Variants in AKT3 observed in about 807,000 individuals in gnomAD.
The protein encoded by AKT3 is RAC-gamma serine/threonine-protein kinase.
Under a neutral mutation model 65.3 loss-of-function variants are expected in AKT3, and 15 were observed. The ratio of observed to expected loss-of-function variants is 0.23; its 90% CI spans 0.15 to 0.35. AKT3 has a LOEUF of 0.35. Among genes scored for constraint, AKT3 ranks in the 10% least tolerant of loss-of-function variants. AKT3 has a pLI of 1.00. For missense variants in AKT3, 243 were observed against 576.5 expected, an observed-to-expected ratio of 0.42 and a Z score of 5.92; for synonymous variants, 206 against 183.8, an observed-to-expected ratio of 1.12 and a Z score of -0.98.
intron 2 of AKT3, among the ~76,000 whole-genome samples, chr1:243,792,364 G>C (rs1053657765): frequency 3.3e-5 from 5 of 152,082 alleles, no homozygotes; most frequent in Non-Finnish European, 5.9e-5. Context: ...ATAGATAAAA[G>C]TCAGCAAAAG....
intron 2 of AKT3, chr1:243,735,583 T>C (rs1173152445): frequency 6.6e-6 from 1 of 152,240 alleles, no homozygotes; most frequent in Non-Finnish European, 1.5e-5. Context: ...TCCACCATTT[T>C]TATTAGAGAC....
At chr1:243,835,130 G>T (rs1370305087) in intron 2 of AKT3, among the ~76,000 whole-genome samples, 1 of 152,072 alleles carries the variant, frequency 6.6e-6, no homozygotes, top group African/African-American at 2.4e-5. Flanking sequence ...TTTTGAACTG[G>T]AAATTTTTTT....
At chr1:243,589,961 C>CAA (rs1007986412) in intron 8 of AKT3, among the ~76,000 whole-genome samples, 61 of 152,202 alleles carry the variant, frequency 4.0e-4, no homozygotes, top group African/African-American at 1.4e-3. Flanking sequence ...GGATGAACCT[C>CAA]AAGGGCATTA....
chr1:243,805,359 T>TATA (rs2148379433), intron 2 of AKT3, among the ~76,000 whole-genome samples: 1 of 152,276 alleles, frequency 6.6e-6, no homozygotes, highest in Non-Finnish European at 1.5e-5. Context: ...CTCTGCCAGC[T>TATA]ATAGTATTTC....
intron 8 of AKT3, among the ~76,000 whole-genome samples, chr1:243,580,698 G>C (rs1675273481): frequency 6.6e-6 from 1 of 152,186 alleles, no homozygotes; most frequent in African/African-American, 2.4e-5. Context: ...GTCACGTTCA[G>C]CTTGGCAACC....
chr1:243,647,008 A>C (rs74153934), intron 4 of AKT3, among the ~76,000 whole-genome samples: 1,543 of 152,256 alleles, frequency 0.01, 19 homozygotes, highest in African/African-American at 0.035. Flanking sequence ...TTTTGACTGG[A>C]ATTACATTAA....
At chr1:243,575,372 G>T (rs1674863356) in intron 8 of AKT3, among the ~76,000 whole-genome samples, 1 of 152,136 alleles carries the variant, frequency 6.6e-6, no homozygotes, top group South Asian at 2.1e-4. Context: ...GAGAAAGAGG[G>T]AATACAGTGA....
chr1:243,741,875 T>C (rs1300556149), intron 2 of AKT3: 3 of 152,020 alleles, frequency 2.0e-5, no homozygotes, highest in Non-Finnish European at 4.4e-5. Context: ...AAATTAAACA[T>C]GAAAAGGACT....
chr1:243,508,325 G>GCCCAGGGC (rs1351254573), intron 13 of AKT3, among the ~76,000 whole-genome samples: 1 of 152,210 alleles, frequency 6.6e-6, no homozygotes, highest in Non-Finnish European at 1.5e-5. Context: ...AAGACAGGAA[G>GCCCAGGGC]CCCAGGGCCC....
chr1:243,512,176 A>G, intron 13 of AKT3, 148 bp downstream of exon 13: 1 of 526,964 alleles, frequency 1.9e-6, no homozygotes. Context: ...ATTCAATTCA[A>G]TATTCAATAT....
intron 8 of AKT3, among the ~76,000 whole-genome samples, chr1:243,596,444 G>A (rs540868996): frequency 6.6e-6 from 1 of 152,198 alleles, no homozygotes; most frequent in South Asian, 2.1e-4. Flanking sequence ...GAATAGACAG[G>A]TCACAAAAGT....
chr1:243,738,383 G>T (rs1366591142), intron 2 of AKT3, among the ~76,000 whole-genome samples: 6 of 152,198 alleles, frequency 3.9e-5, no homozygotes, highest in Non-Finnish European at 7.3e-5. Flanking sequence ...ACTGGAAAAT[G>T]AAGCTAGAAA....
rs181536260 is a variant in AKT3, at chr1:243,589,137, C to G, written c.697-16089G>C. On this transcript the variant is annotated intron_variant, in intron 8 of 13. Transcript: ENST00000673466. ...CCTGACCAACATGGTGAAACCCCGT[C>G]TCTACTAAAAATACAAAAATCAGCC... Among the ~76,000 whole-genome samples the G allele has an allele frequency of 2.8e-3, 425 of 151,716 alleles. 2 individuals are homozygous for G. Among genetic ancestry groups the G allele is most frequent in the African/African-American group, 9.6e-3 (399 of 41,370 alleles).
chr1:243,607,059 G>A (rs1677483916), intron 8 of AKT3, among the ~76,000 whole-genome samples: 1 of 152,246 alleles, frequency 6.6e-6, no homozygotes, highest in Admixed American at 6.5e-5. Flanking sequence ...GAAACACTTG[G>A]ATGACCAGTC....
intron 11 of AKT3, among the ~76,000 whole-genome samples, chr1:243,551,334 A>C (rs1417645377): frequency 6.6e-6 from 1 of 152,200 alleles, no homozygotes; most frequent in Non-Finnish European, 1.5e-5. Context: ...GAAGAAGAAA[A>C]CAAAATCACT....
chr1:243,640,045 C>T (rs1680257007), intron 5 of AKT3, among the ~76,000 whole-genome samples: 1 of 152,124 alleles, frequency 6.6e-6, no homozygotes, highest in South Asian at 2.1e-4. Flanking sequence ...ACATTTTTTG[C>T]TGCTCATATT....
chr1:243,489,172 C>G, intron 13 of AKT3: 1 of 1,608,274 alleles, frequency 6.2e-7, no homozygotes, highest in Non-Finnish European at 8.5e-7. Context: ...AGGTGGGAGT[C>G]CTTGGGCGGG....
chr1:243,779,919 T>C (rs1328566228), intron 2 of AKT3, among the ~76,000 whole-genome samples: 2 of 152,030 alleles, frequency 1.3e-5, no homozygotes, highest in African/African-American at 4.8e-5. Flanking sequence ...TAAATGATGA[T>C]AGTAAAAGAT....
At chr1:243,693,041 T>G (rs1184222875) in intron 3 of AKT3, among the ~76,000 whole-genome samples, 2 of 151,158 alleles carry the variant, frequency 1.3e-5, no homozygotes, top group Non-Finnish European at 2.9e-5. Flanking sequence ...AAAATTTAAA[T>G]CAGGAGGGAA....
Sources: gnomAD v4.1 joint callset for allele counts (sites outside exome capture counted in the v4.1 genomes callset) on GRCh38, gnomAD v4.1.1 for gene constraint, MANE v1.5 for transcripts, NCBI Gene and HGNC (gene_info 2026-07-23, HGNC 2026-07-21) for gene names.